The following PTCHD4 variants were observed in gnomAD, a reference collection of about 807,000 sequenced individuals.
PTCHD4 encodes the protein patched domain containing 4.
A neutral mutation model predicts 58.1 loss-of-function variants in PTCHD4; 33 were observed. That is an observed-to-expected ratio of 0.57 (90% confidence interval 0.43 to 0.76). PTCHD4 has a LOEUF of 0.76. Among genes scored for constraint, PTCHD4 ranks in the 30% least tolerant of loss-of-function variants. PTCHD4 has a pLI of 0.00. For synonymous variants in PTCHD4, 478 were observed against 409.6 expected (o/e 1.17, Z -2.02); for missense variants, 1,058 against 1,027.1 (o/e 1.03, Z -0.41).
At chr6:48,062,572 G>T (rs772343568) in intron 3 of PTCHD4, among the ~76,000 whole-genome samples, 6 of 152,078 alleles carry the variant, frequency 3.9e-5, no homozygotes, top group Non-Finnish European at 8.8e-5. Context: ...TTAAGGCCTT[G>T]CTGAAACCAA....
intron 4 of PTCHD4, among the ~76,000 whole-genome samples, chr6:47,896,975 A>C (rs1764545832): frequency 6.6e-6 from 1 of 152,138 alleles, no homozygotes; most frequent in Admixed American, 6.5e-5. Flanking sequence ...TCATTACTGT[A>C]TCATCTTTTC....
intron 4 of PTCHD4, among the ~76,000 whole-genome samples, chr6:47,953,031 A>T (rs1379981763): frequency 1.4e-5 from 2 of 148,090 alleles, no homozygotes; most frequent in Non-Finnish European, 3.0e-5. Context: ...TGAACATTGA[A>T]GAATACTAAA....
At chr6:47,960,962 T>TAAAA (rs66754863) in intron 4 of PTCHD4, among the ~76,000 whole-genome samples, 1 of 119,902 alleles carries the variant, frequency 8.3e-6, no homozygotes, top group African/African-American at 3.1e-5. Flanking sequence ...CTTTTTTTTT[T>TAAAA]AAAAAAAAAA....
At chr6:47,981,040 T>C (rs1458528056) in intron 4 of PTCHD4, among the ~76,000 whole-genome samples, 1 of 152,166 alleles carries the variant, frequency 6.6e-6, no homozygotes, top group Non-Finnish European at 1.5e-5. Context: ...TCATGTGTGC[T>C]GTATTCCCGT....
intron 1 of PTCHD4, among the ~76,000 whole-genome samples, chr6:48,082,204 G>A (rs935397065): frequency 6.6e-6 from 1 of 152,168 alleles, no homozygotes; most frequent in African/African-American, 2.4e-5. Context: ...GCAGAGTTCA[G>A]GAGTCAGGAA....
intron 3 of PTCHD4, among the ~76,000 whole-genome samples, chr6:48,019,428 C>T (rs1054711546): frequency 2.0e-5 from 3 of 152,014 alleles, no homozygotes; most frequent in African/African-American, 7.2e-5. Context: ...AGTAAGTAGG[C>T]AGGCATTTTA....
intron 1 of PTCHD4, among the ~76,000 whole-genome samples, chr6:48,079,121 A>C (rs1765116245): frequency 6.6e-6 from 1 of 151,268 alleles, no homozygotes; most frequent in African/African-American, 2.4e-5. Context: ...CCATCACAAA[A>C]AAAAAAAAAA....
chr6:48,097,080 A>G (rs1329324124), intron 1 of PTCHD4, among the ~76,000 whole-genome samples: 1 of 152,128 alleles, frequency 6.6e-6, no homozygotes, highest in African/African-American at 2.4e-5. Flanking sequence ...AACATTTAAT[A>G]TTAACGTATT....
At chr6:48,070,611 G>A (rs1279914362) in intron 1 of PTCHD4, among the ~76,000 whole-genome samples, 1 of 152,140 alleles carries the variant, frequency 6.6e-6, no homozygotes, top group African/African-American at 2.4e-5. Flanking sequence ...TATTATCTCT[G>A]GTAGTTCTCC....
intron 4 of PTCHD4, among the ~76,000 whole-genome samples, chr6:47,951,109 A>AT (rs1025050272): frequency 1.3e-5 from 2 of 152,100 alleles, no homozygotes; most frequent in African/African-American, 2.4e-5. Flanking sequence ...AGTCAAGAGA[A>AT]TTTTTTTTAA....
chr6:47,890,757 G>T (rs1049048354), intron 4 of PTCHD4: 23 of 288,682 alleles, frequency 8.0e-5, no homozygotes, highest in Non-Finnish European at 5.2e-6. Flanking sequence ...TTTCCTTGCT[G>T]CAGGGCCTTG....
At chr6:47,948,934 C>A (rs568036791) in intron 4 of PTCHD4, among the ~76,000 whole-genome samples, 1 of 152,180 alleles carries the variant, frequency 6.6e-6, no homozygotes, top group Non-Finnish European at 1.5e-5. Flanking sequence ...CATTATCGAG[C>A]ATATACTTGA....
intron 4 of PTCHD4, among the ~76,000 whole-genome samples, chr6:47,910,124 C>G (rs1350198788): frequency 3.3e-5 from 5 of 152,172 alleles, no homozygotes; most frequent in Admixed American, 1.3e-4. Context: ...ACACTTCTGT[C>G]TCCTCTAGGA....
At chr6:47,893,073 C>T (rs564412164) in intron 4 of PTCHD4, among the ~76,000 whole-genome samples, 4 of 152,210 alleles carry the variant, frequency 2.6e-5, no homozygotes, top group South Asian at 2.1e-4. Flanking sequence ...TGCAGTGGTG[C>T]GATCTTGGCT....
intron 3 of PTCHD4, among the ~76,000 whole-genome samples, chr6:48,025,569 A>G (rs1763217210): frequency 6.6e-6 from 1 of 152,204 alleles, no homozygotes; most frequent in African/African-American, 2.4e-5. Flanking sequence ...GATTATATAA[A>G]GAAAACAATC....
intron 4 of PTCHD4, among the ~76,000 whole-genome samples, chr6:47,883,457 G>C (rs1007433024): frequency 1.3e-5 from 2 of 152,050 alleles, no homozygotes; most frequent in Non-Finnish European, 2.9e-5. Flanking sequence ...ATATACTACT[G>C]TGAAAACAGC....
intron 4 of PTCHD4, among the ~76,000 whole-genome samples, chr6:47,956,853 T>C (rs969094011): frequency 2.6e-5 from 4 of 152,138 alleles, no homozygotes; most frequent in Non-Finnish European, 2.9e-5. Context: ...AGTGAGAATT[T>C]GTTTTCTATC....
intron 4 of PTCHD4, among the ~76,000 whole-genome samples, chr6:47,982,784 G>A (rs1334265344): frequency 6.6e-6 from 1 of 152,158 alleles, no homozygotes; most frequent in Non-Finnish European, 1.5e-5. Flanking sequence ...ACCGCACCCA[G>A]CCGTCTGTTT....
At chr6:47,977,134 G>A (rs905235654) in intron 4 of PTCHD4, among the ~76,000 whole-genome samples, 3 of 152,178 alleles carry the variant, frequency 2.0e-5, no homozygotes, top group Admixed American at 6.5e-5. Context: ...TGAAGAAACA[G>A]AGTTATACAG....
Sources: allele counts gnomAD v4.1 joint callset (sites outside exome capture counted in the v4.1 genomes callset), GRCh38; gene constraint gnomAD v4.1.1; transcripts MANE v1.5; gene names NCBI Gene and HGNC (gene_info 2026-07-23, HGNC 2026-07-21).